MAP3K5: variants seen among roughly 807,000 people sequenced by gnomAD.
The protein encoded by MAP3K5 is ASK-1.
Under a neutral mutation model 158.7 loss-of-function variants are expected in MAP3K5, and 56 were observed. That is an observed-to-expected ratio of 0.35 (90% CI 0.28 to 0.44). The LOEUF (loss-of-function observed/expected upper bound fraction) is 0.44, where lower values mean the gene tolerates loss of function less well. Ranked by LOEUF, MAP3K5 falls within the 20% of genes least tolerant of loss-of-function variation. MAP3K5 has a pLI of 1.00. For missense variants in MAP3K5, 1,294 were observed against 1,674.8 expected, an observed-to-expected ratio of 0.77 and a Z score of 3.97; for synonymous variants, 579 against 601.7, an observed-to-expected ratio of 0.96 and a Z score of 0.55.
chr6:136,749,568 C>T (rs543442786), intron 1 of MAP3K5, among the ~76,000 whole-genome samples: 1 of 152,136 alleles, frequency 6.6e-6, no homozygotes, highest in East Asian at 1.9e-4. Context: ...CTAGGGAATG[C>T]TCATTCATCT....
In MAP3K5 at chr6:136,613,319, A is replaced by G; in HGVS notation, c.2279-63T>C. The G allele has an allele frequency of 7.1e-7, 1 of 1,418,270 alleles. No homozygotes were observed. The highest frequency in any genetic ancestry group is 2.4e-5 in the East Asian group (1 of 42,184). 87.9% of individuals were successfully genotyped at this position (1,418,270 alleles called of 1,614,324 possible). On this transcript the variant is annotated intron_variant, in intron 16 of 29. Coordinates refer to ENST00000359015, the MANE Select transcript of MAP3K5 (RefSeq NM_005923.4). This position sits in a 1 kb window ranked among gnomAD's most constrained non-coding sequence, Gnocchi z 4.0. ...CAAATGAGCTCTTTAAAGTGTATTA[A>G]TAATGTAACAGTAATTTAAGCTAAC...
chr6:136,764,262 G>C (rs533672110), intron 1 of MAP3K5, among the ~76,000 whole-genome samples: 1 of 152,176 alleles, frequency 6.6e-6, no homozygotes, highest in South Asian at 2.1e-4. Flanking sequence ...CTGAGTTGGT[G>C]CTGTAACTGC....
At chr6:136,749,863 A>T (rs747258720) in intron 1 of MAP3K5, among the ~76,000 whole-genome samples, 10 of 152,142 alleles carry the variant, frequency 6.6e-5, no homozygotes, top group Non-Finnish European at 1.2e-4. Context: ...TGTGCTTTGC[A>T]ACACTCATCC....
At chr6:136,615,834 T>C (rs1029873688) in intron 15 of MAP3K5, among the ~76,000 whole-genome samples, 2 of 152,208 alleles carry the variant, frequency 1.3e-5, no homozygotes, top group African/African-American at 4.8e-5. Context: ...GTCCTACATG[T>C]AGGAAATCCT....
intron 9 of MAP3K5, among the ~76,000 whole-genome samples, chr6:136,658,309 CTTTCT>C (rs1325046481): frequency 4.5e-4 from 34 of 75,680 alleles, no homozygotes; most frequent in East Asian, 1.7e-3. Flanking sequence ...TTCTTTCTTT[CTTTCT>C]TTTTTTTTTT....
In MAP3K5 at chr6:136,738,062, G is replaced by T. The variant is rs560308294; in HGVS notation, c.449-17473C>A. Among the ~76,000 whole-genome samples the T allele has an allele frequency of 8.5e-5, 13 of 152,274 alleles. No individual in the cohort carries two copies. The East Asian group carries it at 2.5e-3, about 29-fold the overall frequency. On this transcript the variant is annotated intron_variant, in intron 1 of 29. Coordinates refer to ENST00000359015, the MANE Select transcript of MAP3K5 (RefSeq NM_005923.4). ...ATGGACATGTACACCACCACCCACC[G>T]AATGAGAAATGGCTTATCGCTCTGC... is the stretch of plus-strand genomic sequence containing the variant.
At chr6:136,635,357 T>C (rs935058513) in intron 14 of MAP3K5, among the ~76,000 whole-genome samples, 1 of 152,136 alleles carries the variant, frequency 6.6e-6, no homozygotes, top group African/African-American at 2.4e-5. Context: ...AGAAAGCTAA[T>C]TCCTAACAAT....
intron 25 of MAP3K5, among the ~76,000 whole-genome samples, chr6:136,569,943 T>C (rs1774289505): frequency 6.6e-6 from 1 of 152,212 alleles, no homozygotes; most frequent in Non-Finnish European, 1.5e-5. Context: ...CTTCGGCACA[T>C]AGAACATTTA....
intron 1 of MAP3K5, among the ~76,000 whole-genome samples, chr6:136,759,525 T>TAGTGGCACA (rs1335292310): frequency 6.3e-5 from 9 of 143,714 alleles, no homozygotes; most frequent in Non-Finnish European, 1.2e-4. Flanking sequence ...GGCTGGAGTG[T>TAGTGGCACA]AGTGGCACAA....
At chr6:136,755,002 C>T (rs1241700676) in intron 1 of MAP3K5, among the ~76,000 whole-genome samples, 3 of 152,178 alleles carry the variant, frequency 2.0e-5, no homozygotes, top group Non-Finnish European at 2.9e-5. Context: ...AATTCTACTT[C>T]CTGCTGAGTC....
chr6:136,699,743 A>G (rs1780763231), intron 3 of MAP3K5, among the ~76,000 whole-genome samples: 1 of 152,222 alleles, frequency 6.6e-6, no homozygotes, highest in Non-Finnish European at 1.5e-5. Context: ...AAAGTTAAGG[A>G]TGTTAGACTG....
rs934633695 is a variant in MAP3K5, at chr6:136,582,096, T to A, written c.3411+1459A>T. ...AGACTCCATCTCAAAAAAAAAAAAA[T>A]TTACATTCTTATTAGGTGGAAGAGG... On this transcript the variant is annotated intron_variant, in intron 24 of 29. Coordinates refer to ENST00000359015, the MANE Select transcript of MAP3K5 (RefSeq NM_005923.4). 4.0e-5 allele frequency among the ~76,000 whole-genome samples: 6 copies of A among 151,402 alleles called. 1 individual carries two copies. The highest frequency in any genetic ancestry group is 4.2e-4 in the South Asian group (2 of 4,780).
At chr6:136,730,163 T>TTG (rs1554305861) in intron 1 of MAP3K5, among the ~76,000 whole-genome samples, 1 of 133,852 alleles carries the variant, frequency 7.5e-6, no homozygotes, top group South Asian at 2.2e-4. Context: ...GTTTTTTTTT[T>TTG]TTTGTTTTTT....
At chr6:136,713,862 G>A (rs1195219107) in intron 2 of MAP3K5, among the ~76,000 whole-genome samples, 3 of 152,124 alleles carry the variant, frequency 2.0e-5, no homozygotes, top group African/African-American at 7.2e-5. Context: ...TATTAAAAAG[G>A]GGTAGGGCCA....
chr6:136,705,359 A>C (rs9494560), intron 2 of MAP3K5, among the ~76,000 whole-genome samples: 10,381 of 152,264 alleles, frequency 0.068, 1,213 homozygotes, highest in African/African-American at 0.24. Context: ...CAATGGCACA[A>C]TCATAACTCA....
chr6:136,716,154 C>T (rs896093014), intron 2 of MAP3K5, among the ~76,000 whole-genome samples: 1 of 144,182 alleles, frequency 6.9e-6, no homozygotes, highest in African/African-American at 2.5e-5. Flanking sequence ...TTGATTATAT[C>T]TCCTTATGCA....
At chr6:136,637,280 G>C (rs1278801823) in intron 14 of MAP3K5, 45 bp downstream of exon 14, 2 of 1,465,358 alleles carry the variant, frequency 1.4e-6, no homozygotes, top group Non-Finnish European at 1.9e-6. Flanking sequence ...CAAATAGTTT[G>C]TTTTAAAATG....
At chr6:136,682,317 G>A (rs1305587569) in intron 7 of MAP3K5, among the ~76,000 whole-genome samples, 4 of 151,652 alleles carry the variant, frequency 2.6e-5, no homozygotes, top group Non-Finnish European at 5.9e-5. Flanking sequence ...TGGGGAGAGA[G>A]GGGGAAGGAG....
chr6:136,621,611 C>G (rs930179619), intron 15 of MAP3K5, among the ~76,000 whole-genome samples: 14 of 152,112 alleles, frequency 9.2e-5, no homozygotes, highest in Non-Finnish European at 2.1e-4. Context: ...TTTTAGTGAG[C>G]CAGTGCCCCT....
Sources: allele counts gnomAD v4.1 joint callset (sites outside exome capture counted in the v4.1 genomes callset), GRCh38; gene constraint gnomAD v4.1.1; non-coding constraint Gnocchi (gnomAD v3.1); transcripts MANE v1.5; gene names NCBI Gene and HGNC (gene_info 2026-07-23, HGNC 2026-07-21).